Variants in FAM107B observed in about 807,000 individuals in gnomAD.
The protein encoded by FAM107B is family with sequence similarity 107 member B.
Under a neutral mutation model 31.5 loss-of-function variants are expected in FAM107B, and 21 were observed. The ratio of observed to expected loss-of-function variants is 0.67; its 90% confidence interval spans 0.47 to 0.96. The LOEUF (loss-of-function observed/expected upper bound fraction) is 0.96. Ranked by LOEUF, FAM107B falls within the 40% of genes least tolerant of loss-of-function variation. The pLI is 0.00. For missense variants in FAM107B, 452 were observed against 377.1 expected, an observed-to-expected ratio of 1.20 and a Z score of -1.64; for synonymous variants, 157 against 141.5, an observed-to-expected ratio of 1.11 and a Z score of -0.78.
intron 2 of FAM107B, among the ~76,000 whole-genome samples, chr10:14,637,341 A>C (rs901051637): frequency 2.0e-5 from 3 of 152,102 alleles, no homozygotes; most frequent in African/African-American, 7.2e-5. Context: ...GACTCTAACC[A>C]ATAGAATATG....
At chr10:14,552,334 A>G (rs550527591) in intron 2 of FAM107B, among the ~76,000 whole-genome samples, 1 of 152,240 alleles carries the variant, frequency 6.6e-6, no homozygotes, top group Non-Finnish European at 1.5e-5. Context: ...AGACTCAGTT[A>G]TAAGCACTTT....
intron 1 of FAM107B, among the ~76,000 whole-genome samples, chr10:14,671,081 C>T (rs1294816442): frequency 7.1e-6 from 1 of 139,952 alleles, no homozygotes. Flanking sequence ...CTCATCCCAT[C>T]TCATCCCACT....
intron 1 of FAM107B, among the ~76,000 whole-genome samples, chr10:14,730,899 G>A (rs1362322256): frequency 6.6e-6 from 1 of 152,104 alleles, no homozygotes; most frequent in Non-Finnish European, 1.5e-5. Context: ...ACAGTGGACA[G>A]ATTTTAGAGA....
At chr10:14,572,462 G>T (rs919010962) in intron 2 of FAM107B, 3 of 946,944 alleles carry the variant, frequency 3.2e-6, no homozygotes, top group Non-Finnish European at 3.8e-6. Flanking sequence ...ACAGCATGGA[G>T]GCCTGAGACC....
chr10:14,599,622 G>A (rs7091878), intron 2 of FAM107B, among the ~76,000 whole-genome samples: 3,419 of 152,238 alleles, frequency 0.022, 79 homozygotes, highest in East Asian at 0.12. Flanking sequence ...GGGCAACATA[G>A]TGAGACCCCA....
chr10:14,682,718 A>G (rs1462822788), intron 1 of FAM107B, among the ~76,000 whole-genome samples: 2 of 152,044 alleles, frequency 1.3e-5, no homozygotes, highest in Non-Finnish European at 2.9e-5. Flanking sequence ...AGGGAGGGGA[A>G]CATCACACAG....
intron 1 of FAM107B, among the ~76,000 whole-genome samples, chr10:14,682,251 G>A (rs780989779): frequency 7.9e-5 from 12 of 152,308 alleles, no homozygotes; most frequent in Non-Finnish European, 1.5e-4. Flanking sequence ...AGCTTGGGCT[G>A]GCTGTGGTGG....
At chr10:14,638,164 A>C (rs1029314961) in intron 2 of FAM107B, among the ~76,000 whole-genome samples, 3 of 152,162 alleles carry the variant, frequency 2.0e-5, no homozygotes, top group African/African-American at 7.2e-5. Context: ...GTAATTTATA[A>C]AATTATTACT....
rs181075242 is a variant in FAM107B at position 14,522,069 on chromosome 10, T to C, written c.654-50A>G. 4.5e-6 allele frequency: 7 copies of C among 1,570,702 alleles called. No individual in the cohort carries two copies. In the East Asian group the frequency reaches 1.1e-4, roughly 25 times the overall value. ...AGAAAACGTTAATCTAATGGCTACA[T>C]TTTTTATGAACAGAAATTTAACTTA... On this transcript the variant is annotated intron_variant, in intron 3 of 4. Transcript: ENST00000181796.
intron 2 of FAM107B, among the ~76,000 whole-genome samples, chr10:14,535,853 T>C (rs996495515): frequency 2.0e-5 from 3 of 152,254 alleles, no homozygotes; most frequent in Non-Finnish European, 4.4e-5. Flanking sequence ...GAAGTCATTA[T>C]TTGACTCTAC....
intron 2 of FAM107B, among the ~76,000 whole-genome samples, chr10:14,562,710 T>G (rs1227278163): frequency 6.6e-6 from 1 of 152,200 alleles, no homozygotes; most frequent in African/African-American, 2.4e-5. Context: ...AGGGAACTAA[T>G]CCCCAGATGT....
intron 2 of FAM107B, among the ~76,000 whole-genome samples, chr10:14,650,497 G>A (rs964570829): frequency 6.6e-6 from 1 of 152,150 alleles, no homozygotes; most frequent in Non-Finnish European, 1.5e-5. Context: ...TGTTGGCCAG[G>A]CTGGTCTCGA....
chr10:14,727,655 G>A (rs917001100), intron 1 of FAM107B, among the ~76,000 whole-genome samples: 1 of 152,160 alleles, frequency 6.6e-6, no homozygotes, highest in Non-Finnish European at 1.5e-5. Context: ...GTTCCCTATG[G>A]TATTAAGCTC....
intron 2 of FAM107B, among the ~76,000 whole-genome samples, chr10:14,574,153 GA>G: frequency 6.6e-6 from 1 of 152,280 alleles, no homozygotes; most frequent in East Asian, 1.9e-4. Flanking sequence ...GCCACCCTGA[GA>G]AAAAATCTTG....
intron 1 of FAM107B, among the ~76,000 whole-genome samples, chr10:14,772,848 A>G (rs1833338208): frequency 6.6e-6 from 1 of 152,158 alleles, no homozygotes; most frequent in Non-Finnish European, 1.5e-5. Context: ...GTGCAACTAA[A>G]ACAGAAAGAT....
rs1312147001 is a variant in FAM107B, at chr10:14,568,618, G to A, written c.470-38103C>T. 2.0e-4 allele frequency among the ~76,000 whole-genome samples: 31 copies of A among 151,716 alleles called. 1 individual carries two copies. The highest frequency in any genetic ancestry group is 6.8e-4 in the African/African-American group (28 of 40,980). On this transcript the variant is annotated intron_variant, in intron 2 of 4. Coordinates refer to ENST00000181796, the MANE Select transcript of FAM107B (RefSeq NM_031453.4). ...ACCAGGAGGTGAAGATACTCAGGTAGGAGGAGGGTGGCTGATCTCTGGGTT... is the reference window on the plus strand; with the variant it reads ...ACCAGGAGGTGAAGATACTCAGGTAAGAGGAGGGTGGCTGATCTCTGGGTT...
At chr10:14,715,103 C>A (rs1005233095) in intron 1 of FAM107B, among the ~76,000 whole-genome samples, 1 of 151,972 alleles carries the variant, frequency 6.6e-6, no homozygotes, top group South Asian at 2.1e-4. Flanking sequence ...AGTGATCAGC[C>A]GATACTCAAA....
intron 2 of FAM107B, among the ~76,000 whole-genome samples, chr10:14,640,965 A>ATTT (rs768973816): frequency 2.0e-5 from 3 of 152,158 alleles, no homozygotes; most frequent in Non-Finnish European, 4.4e-5. Flanking sequence ...ACCCAGTGTA[A>ATTT]TTATCTATGG....
intron 1 of FAM107B, among the ~76,000 whole-genome samples, chr10:14,692,807 C>T (rs1040815461): frequency 5.9e-5 from 9 of 152,212 alleles, no homozygotes; most frequent in African/African-American, 1.2e-4. Flanking sequence ...CTGCACGGGC[C>T]GGGGTTATTC....
Sources: gnomAD v4.1 joint callset for allele counts (sites outside exome capture counted in the v4.1 genomes callset) on GRCh38, gnomAD v4.1.1 for gene constraint, MANE v1.5 for transcripts, NCBI Gene and HGNC (gene_info 2026-07-23, HGNC 2026-07-21) for gene names.